Variants in LYN observed in about 807,000 individuals in gnomAD.
LYN encodes tyrosine-protein kinase Lyn.
A neutral mutation model predicts 65.0 loss-of-function variants in LYN; 12 were observed. That is an observed-to-expected ratio of 0.18 (90% CI 0.12 to 0.30). LYN has a LOEUF of 0.30. Ranked by LOEUF, LYN falls within the 10% of genes least tolerant of loss-of-function variation. The probability of loss-of-function intolerance (pLI) is 1.00; values close to 1 mark genes in which losing one functional copy is unlikely to be tolerated. For missense variants in LYN, 380 were observed against 623.2 expected (o/e 0.61, Z 4.16); for synonymous variants, 222 against 221.2 (o/e 1.00, Z -0.03).
At chr8:55,963,063 C>T (rs1259815894) in intron 8 of LYN, among the ~76,000 whole-genome samples, 2 of 152,230 alleles carry the variant, frequency 1.3e-5, no homozygotes, top group African/African-American at 4.8e-5. Context: ...CCTCTAGTCC[C>T]CACCTCCAAC....
chr8:55,957,509 T>C (rs952018137), intron 8 of LYN, among the ~76,000 whole-genome samples: 1 of 152,256 alleles, frequency 6.6e-6, no homozygotes. Flanking sequence ...AATCTTGTTC[T>C]AGCCTCTCCT....
intron 1 of LYN, among the ~76,000 whole-genome samples, chr8:55,902,477 T>G (rs1805295906): frequency 6.6e-6 from 1 of 151,198 alleles, no homozygotes; most frequent in African/African-American, 2.4e-5. Context: ...ACAGGTGCGC[T>G]CCACAACGCC....
At chr8:55,880,161 G>A in intron 1 of LYN, 58 bp downstream of exon 1, 1 of 179,074 alleles carries the variant, frequency 5.6e-6, no homozygotes, top group South Asian at 8.1e-5. Context: ...TGGGTGCAGG[G>A]GCCGCGGCTG....
At chr8:55,990,216 G>T (rs1415448041) in intron 10 of LYN, among the ~76,000 whole-genome samples, 1 of 137,088 alleles carries the variant, frequency 7.3e-6, no homozygotes, top group African/African-American at 2.9e-5. Flanking sequence ...TCCAGCCTGG[G>T]TGATAGAGTG....
At chr8:55,892,947 T>C (rs6989378) in intron 1 of LYN, among the ~76,000 whole-genome samples, 58,869 of 151,988 alleles carry the variant, frequency 0.39, 12,128 homozygotes, top group East Asian at 0.68. Flanking sequence ...AGTACTCCCC[T>C]GAAAGGCATC....
intron 1 of LYN, among the ~76,000 whole-genome samples, chr8:55,939,624 C>T (rs985549755): frequency 2.0e-5 from 3 of 152,158 alleles, no homozygotes; most frequent in Non-Finnish European, 2.9e-5. Flanking sequence ...TCGAGCGGCC[C>T]GGTGCGCTGT....
Position 55,912,416 on chromosome 8 carries a change from G to T in LYN, c.-5-29439G>T, listed in dbSNP as rs146532559. The stretch of plus-strand genomic sequence containing the variant: ...CCATGCCTGCGCTTAAGTAGTTTTT[G>T]AAATTTTAACCCAAATAAGAAATTC... On this transcript the variant is annotated intron_variant, in intron 1 of 12. Transcript: ENST00000519728. 2.0e-5 allele frequency among the ~76,000 whole-genome samples: 3 copies of T among 152,284 alleles called. No individual in the cohort carries two copies. The East Asian group carries it at 5.8e-4, about 29-fold the overall frequency.
chr8:55,958,402 A>G (rs537300532), intron 8 of LYN, among the ~76,000 whole-genome samples: 1 of 152,360 alleles, frequency 6.6e-6, no homozygotes, highest in African/African-American at 2.4e-5. Context: ...TTAGACTGAA[A>G]CAGGATAAAA....
chr8:55,886,702 T>G (rs1804807193), intron 1 of LYN, among the ~76,000 whole-genome samples: 2 of 152,330 alleles, frequency 1.3e-5, no homozygotes, highest in Middle Eastern at 3.4e-3. Flanking sequence ...CTGGAGCAGC[T>G]TTTCTGAGGT....
intron 10 of LYN, among the ~76,000 whole-genome samples, chr8:55,987,854 G>A (rs1470513786): frequency 3.9e-5 from 6 of 152,114 alleles, no homozygotes; most frequent in African/African-American, 1.2e-4. Context: ...ACTCAGCTTC[G>A]TCCTCGTTAC....
intron 10 of LYN, among the ~76,000 whole-genome samples, chr8:55,984,572 T>A (rs867150584): frequency 2.0e-5 from 3 of 152,222 alleles, no homozygotes; most frequent in African/African-American, 7.2e-5. Context: ...TCAAAGTAGA[T>A]TCACCTTCCT....
At chr8:55,907,880 G>A (rs554283374) in intron 1 of LYN, among the ~76,000 whole-genome samples, 2 of 151,978 alleles carry the variant, frequency 1.3e-5, no homozygotes, top group East Asian at 3.9e-4. Flanking sequence ...AAATAAGTAA[G>A]TAGTTTAAAT....
rs57977675 is a variant in LYN at position 55,959,032 on chromosome 8, G to A, written c.790+5048G>A. Among the ~76,000 whole-genome samples, 1,373 of 152,278 alleles carry A rather than the reference G, an allele frequency of 9.0e-3. 22 individuals carry two copies. Among genetic ancestry groups the A allele is most frequent in the African/African-American group, 0.031 (1,299 of 41,554 alleles). The stretch of plus-strand genomic sequence containing the variant: ...ATCTCTAAAATTTGGAGGAACTGCC[G>A]TACTGTTTTCTACTTCGGCTGCACC... On this transcript the variant is annotated intron_variant, in intron 8 of 12. Coordinates refer to ENST00000519728, the MANE Select transcript of LYN (RefSeq NM_002350.4).
At chr8:55,968,256 A>T (rs1306934251) in intron 9 of LYN, among the ~76,000 whole-genome samples, 2 of 151,858 alleles carry the variant, frequency 1.3e-5, no homozygotes, top group African/African-American at 4.8e-5. Context: ...CCTAATATAT[A>T]TATATATTTA....
At chr8:55,900,582 TG>T (rs1805234948) in intron 1 of LYN, among the ~76,000 whole-genome samples, 1 of 150,276 alleles carries the variant, frequency 6.7e-6, no homozygotes, top group Non-Finnish European at 1.5e-5. Context: ...GACCTTACTA[TG>T]GTGCCCAGGC....
intron 1 of LYN, among the ~76,000 whole-genome samples, chr8:55,908,826 A>G (rs919268102): frequency 5.3e-5 from 8 of 151,834 alleles, no homozygotes; most frequent in African/African-American, 1.9e-4. Flanking sequence ...TCCCACTTAT[A>G]AGTGAGAACA....
intron 10 of LYN, among the ~76,000 whole-genome samples, chr8:55,976,971 G>A (rs1441538146): frequency 1.3e-5 from 2 of 152,134 alleles, no homozygotes; most frequent in African/African-American, 4.8e-5. Flanking sequence ...GATCACCTGA[G>A]GTCAGGAGTT....
At chr8:55,919,278 A>T (rs1001058929) in intron 1 of LYN, among the ~76,000 whole-genome samples, 6 of 152,128 alleles carry the variant, frequency 3.9e-5, no homozygotes, top group African/African-American at 1.4e-4. Flanking sequence ...AAGAGTGGAG[A>T]GGGAAATGAA....
chr8:56,000,250 G>GTC (rs1245821148), intron 12 of LYN, among the ~76,000 whole-genome samples: 1 of 152,114 alleles, frequency 6.6e-6, no homozygotes, highest in Non-Finnish European at 1.5e-5. Flanking sequence ...GTGCCCTGGA[G>GTC]TCTCTCTCTC....
Sources: allele counts gnomAD v4.1 joint callset (sites outside exome capture counted in the v4.1 genomes callset), GRCh38; gene constraint gnomAD v4.1.1; transcripts MANE v1.5; gene names NCBI Gene and HGNC (gene_info 2026-07-23, HGNC 2026-07-21).